SEPTIN8: variants seen among roughly 807,000 people sequenced by gnomAD.
SEPTIN8 encodes the protein septin 8, also known as septin-8.
Under a neutral mutation model 53.1 loss-of-function variants are expected in SEPTIN8, and 22 were observed. That is an observed-to-expected ratio of 0.41 (90% confidence interval 0.30 to 0.59). The LOEUF is 0.59. SEPTIN8 is among the 20% of genes least tolerant of loss of function. The pLI, the probability that SEPTIN8 is intolerant of heterozygous loss-of-function variation, is 0.24. For synonymous variants in SEPTIN8, 228 were observed against 248.4 expected, an observed-to-expected ratio of 0.92 and a Z score of 0.77; for missense variants, 536 against 638.7, an observed-to-expected ratio of 0.84 and a Z score of 1.73.
At chr5:132,755,920 A>G in intron 9 of SEPTIN8, 1 of 961,056 alleles carries the variant, frequency 1.0e-6, no homozygotes, top group Non-Finnish European at 1.2e-6. Flanking sequence ...GACAAGCTGT[A>G]TTTTACCACA....
intron 9 of SEPTIN8, chr5:132,757,000 C>T: frequency 1.0e-6 from 1 of 985,296 alleles, no homozygotes; most frequent in Non-Finnish European, 1.2e-6. Flanking sequence ...ATAAAATTAC[C>T]CTAGAGATGA....
Position 132,762,484 on chromosome 5 carries a change from A to G in SEPTIN8, c.696T>C (p.Asn232=), listed in dbSNP as rs751012319. 8.1e-6 allele frequency: 13 copies of G among 1,614,120 alleles called. No individual in the cohort carries two copies. Among genetic ancestry groups the G allele is most frequent in the Non-Finnish European group, 1.1e-5 (13 of 1,179,982 alleles). ...CCTGAGGCCCTCACCCAACGCTCAC[A>G]TTCATGACTGCGTTAATCTCTGCAA... The part of the protein sequence containing the change: ...EAVAEINAVM[N]AHLPFAVVGS... The change falls in exon 5 of 10, where the codon AAT becomes AAC. Residue 232 remains asparagine, a splice_region_variant and synonymous_variant. Transcript: ENST00000378719.
upstream of SEPTIN8, chr5:132,777,556 T>C (rs1757922439): frequency 2.1e-6 from 2 of 969,434 alleles, no homozygotes; most frequent in African/African-American, 1.8e-5. This position sits in a 1 kb window ranked among gnomAD's most constrained non-coding sequence, Gnocchi z 4.1. Flanking sequence ...GTCTCCTGGG[T>C]CCGCGCGCTG....
At chr5:132,756,612 AAAG>A in intron 9 of SEPTIN8, 2 of 985,472 alleles carry the variant, frequency 2.0e-6, no homozygotes, top group Non-Finnish European at 2.4e-6. Flanking sequence ...GGTCTCAGCT[AAAG>A]AAGACAAAAT....
In SEPTIN8 at chr5:132,770,073, A is replaced by ATATGTATATATGTATATATATATG. The variant is rs1561768438; in HGVS notation, c.31-4545_31-4544insCATATATATATACATATATACATA. On this transcript the variant is annotated intron_variant, in intron 1 of 9. Transcript: ENST00000378719. ...TGTGTGTGTGTGTGTGTATATATAT[A>ATATGTATATATGTATATATATATG]TATATATGTATATATGTATATATAT... 4.7e-5 allele frequency among the ~76,000 whole-genome samples: 3 copies of ATATGTATATATGTATATATATATG among 63,484 alleles called. No individual in the cohort carries two copies. The East Asian group carries it at 4.6e-3, about 98-fold the overall frequency. 41.6% of individuals were successfully genotyped at this position (63,484 alleles called of 152,430 possible).
rs142792407 is a variant in SEPTIN8, at chr5:132,767,664, C to T, written c.31-2135G>A. Among the ~76,000 whole-genome samples, 521 of 152,228 alleles carry T rather than the reference C, an allele frequency of 3.4e-3. 4 individuals carry two copies. Among genetic ancestry groups the T allele is most frequent in the African/African-American group, 0.011 (477 of 41,512 alleles). On this transcript the variant is annotated intron_variant, in intron 1 of 9. Transcript: ENST00000378719. ...TACTGAACACAGCCTCCAACTGCTA[C>T]GGCATCAGAGCACCTGCCCACCTTA...
upstream of SEPTIN8, chr5:132,778,126 T>C (rs922438979): frequency 2.1e-6 from 2 of 962,868 alleles, no homozygotes; most frequent in African/African-American, 3.5e-5. Context: ...TCCTTCTCAC[T>C]GACAATCTAT....
At position 132,773,493 on chromosome 5, in the gene SEPTIN8, C is replaced by T. The variant is rs1581198670; in HGVS notation, c.30+3615G>A. Among the ~76,000 whole-genome samples the T allele has an allele frequency of 6.6e-6, 1 of 152,202 alleles. No homozygotes were observed. On this transcript the variant is annotated intron_variant, in intron 1 of 9. Coordinates refer to ENST00000378719, the MANE Select transcript of SEPTIN8 (RefSeq NM_001098811.2). The surrounding 1 kb of genome is among the most constrained non-coding windows in gnomAD (Gnocchi z 4.2). The stretch of plus-strand genomic sequence containing the variant: ...ACCTAGCCCATCCGAGGGCTCAAAA[C>T]GCCAAGGTATCCACCCTCTCTGTCA...
At chr5:132,770,035 A>C (rs1355402120) in intron 1 of SEPTIN8, among the ~76,000 whole-genome samples, 1 of 84,776 alleles carries the variant, frequency 1.2e-5, no homozygotes, top group Non-Finnish European at 2.2e-5. Context: ...ACACACATAT[A>C]TATATATGTG....
At chr5:132,764,066 TA>T in intron 3 of SEPTIN8, 157 bp downstream of exon 3, 1 of 939,720 alleles carries the variant, frequency 1.1e-6, no homozygotes, top group Non-Finnish European at 1.6e-6. Flanking sequence ...TCCAGACACC[TA>T]AAGGAGTAAC....
chr5:132,764,385 G>T lies in SEPTIN8; in HGVS notation c.186C>A (p.Asn62Lys), dbSNP rs779666068. Residue 62 changes from asparagine to lysine, a missense_variant, in exon 3 of 10, where the codon AAC becomes AAA. Asn to Lys is a moderately conservative substitution (Grantham distance 94). Around this residue, in one of 3 missense-constraint regions of SEPTIN8, gnomAD observed 395 missense variants for 451.8 expected, o/e 0.87. Coordinates refer to ENST00000378719, the MANE Select transcript of SEPTIN8 (RefSeq NM_001098811.2). The stretch of plus-strand genomic sequence containing the variant: ...TCTCGAAGGTCGTGTTGAAGAGTGT[G>T]TTCATCAGTGTGGATTTGCCAATGC... ...ETGIGKSTLM[N>K]TLFNTTFETE... 6 of 1,613,956 alleles carry T rather than the reference G, an allele frequency of 3.7e-6. No individual in the cohort carries two copies. In the African/African-American group the frequency reaches 8.0e-5, roughly 22 times the overall value.
At chr5:132,757,914 T>C in intron 9 of SEPTIN8, 3 of 985,732 alleles carry the variant, frequency 3.0e-6, no homozygotes, top group Non-Finnish European at 3.6e-6. Flanking sequence ...GGTAACAACC[T>C]TTTTCCCACT....
At position 132,776,141 on chromosome 5, in the gene SEPTIN8, A is replaced by G. The variant is rs891198017; in HGVS notation, c.30+967T>C. Among the ~76,000 whole-genome samples, 8 of 151,668 alleles carry G rather than the reference A, an allele frequency of 5.3e-5. No individual in the cohort carries two copies. Among genetic ancestry groups the G allele is most frequent in the Admixed American group, 2.0e-4 (3 of 15,214 alleles). The stretch of plus-strand genomic sequence containing the variant: ...TATTCAGAATTCCCCCTTCCCTCCA[A>G]CAGCCCTGGGCCTCCCTCCTCCTCC... On this transcript the variant is annotated intron_variant, in intron 1 of 9. Coordinates refer to ENST00000378719, the MANE Select transcript of SEPTIN8 (RefSeq NM_001098811.2). The surrounding 1 kb of genome is among the most constrained non-coding windows in gnomAD (Gnocchi z 4.4).
chr5:132,753,630 A>T (rs1044077486), intron 9 of SEPTIN8: 4 of 152,532 alleles, frequency 2.6e-5, no homozygotes, highest in African/African-American at 9.6e-5. Flanking sequence ...ACTCTTAAGC[A>T]AAGTGGTTTC....
chr5:132,767,089 C>T (rs185129696), intron 1 of SEPTIN8, among the ~76,000 whole-genome samples: 11 of 152,280 alleles, frequency 7.2e-5, no homozygotes, highest in Non-Finnish European at 1.5e-4. Flanking sequence ...TCTCTCTCAA[C>T]GGAGCCTCTT....
chr5:132,777,714 G>A (rs1757930610), upstream of SEPTIN8: 2 of 985,524 alleles, frequency 2.0e-6, no homozygotes, highest in South Asian at 9.4e-5. The surrounding 1 kb of genome is among the most constrained non-coding windows in gnomAD (Gnocchi z 4.1). Context: ...GTCGGATCCG[G>A]GAGAGGCCGC....
intron 1 of SEPTIN8, among the ~76,000 whole-genome samples, chr5:132,770,574 AG>A (rs746392207): frequency 5.3e-5 from 8 of 152,320 alleles, no homozygotes; most frequent in South Asian, 2.1e-4. Context: ...ACAACATGTC[AG>A]GGGGCTGGTG....
intron 1 of SEPTIN8, among the ~76,000 whole-genome samples, chr5:132,770,117 A>ATG (rs1261445790): frequency 5.5e-5 from 5 of 91,344 alleles, no homozygotes; most frequent in South Asian, 2.6e-4. Flanking sequence ...ATGTATATAT[A>ATG]TATATATGTA....
intron 9 of SEPTIN8, chr5:132,757,688 G>A: frequency 4.1e-6 from 4 of 985,366 alleles, no homozygotes; most frequent in Non-Finnish European, 4.8e-6. Flanking sequence ...CATTTTACCA[G>A]GCCGTATTCT....
Sources: allele counts gnomAD v4.1 joint callset (sites outside exome capture counted in the v4.1 genomes callset), GRCh38; gene constraint gnomAD v4.1.1; regional missense constraint gnomAD v4.1.1; non-coding constraint Gnocchi (gnomAD v3.1); transcripts MANE v1.5; gene names NCBI Gene and HGNC (gene_info 2026-07-23, HGNC 2026-07-21).